The following FAT3 variants were observed in gnomAD, a reference collection of about 807,000 sequenced individuals.
FAT3 encodes protocadherin Fat 3.
In FAT3, 95 loss-of-function variants were observed where a neutral mutation model predicts 310.2. That is an observed-to-expected ratio of 0.31 (90% confidence interval 0.26 to 0.36). The LOEUF (loss-of-function observed/expected upper bound fraction) is 0.36. Among genes scored for constraint, FAT3 ranks in the 10% least tolerant of loss-of-function variants. The pLI is 1.00. For missense variants in FAT3, 5,408 were observed against 5,715.6 expected, an observed-to-expected ratio of 0.95 and a Z score of 1.74; for synonymous variants, 2,314 against 2,192.9, an observed-to-expected ratio of 1.06 and a Z score of -1.54.
chr11:92,340,594 G>A (rs189523446), intron 1 of FAT3, among the ~76,000 whole-genome samples: 3 of 152,312 alleles, frequency 2.0e-5, no homozygotes, highest in African/African-American at 7.2e-5. Context: ...CAAGCTGATT[G>A]TCCTTGGTAA....
chr11:92,705,844 T>G (rs1944320736), intron 4 of FAT3, among the ~76,000 whole-genome samples: 1 of 98,146 alleles, frequency 1.0e-5, no homozygotes. Context: ...GGTGGTGGTG[T>G]GATGGTGGTA....
chr11:92,749,407 T>C (rs1591680743), intron 4 of FAT3, among the ~76,000 whole-genome samples: 1 of 152,152 alleles, frequency 6.6e-6, no homozygotes, highest in African/African-American at 2.4e-5. Context: ...CTTAGAAAGA[T>C]TGAGGTTATT....
At chr11:92,272,884 C>A (rs965500043) in intron 1 of FAT3, among the ~76,000 whole-genome samples, 1 of 152,102 alleles carries the variant, frequency 6.6e-6, no homozygotes, top group Admixed American at 6.6e-5. Context: ...ACCTGCTGTC[C>A]AGCTGACAGA....
At chr11:92,691,688 G>A (rs1943802997) in intron 3 of FAT3, among the ~76,000 whole-genome samples, 1 of 152,126 alleles carries the variant, frequency 6.6e-6, no homozygotes, top group Admixed American at 6.6e-5. Context: ...GCCAAGAGTT[G>A]CTGGGTTTGA....
intron 1 of FAT3, among the ~76,000 whole-genome samples, chr11:92,292,278 A>G (rs1946713310): frequency 6.6e-6 from 1 of 152,090 alleles, no homozygotes; most frequent in African/African-American, 2.4e-5. Flanking sequence ...TACATTAAGT[A>G]TGGGCTTATC....
At chr11:92,583,769 C>T (rs1938970005) in intron 3 of FAT3, among the ~76,000 whole-genome samples, 1 of 151,952 alleles carries the variant, frequency 6.6e-6, no homozygotes, top group South Asian at 2.1e-4. Context: ...TTGACTTCCT[C>T]CCAGACAACA....
At chr11:92,617,341 G>A (rs1940860252) in intron 3 of FAT3, among the ~76,000 whole-genome samples, 1 of 152,078 alleles carries the variant, frequency 6.6e-6, no homozygotes, top group Non-Finnish European at 1.5e-5. Flanking sequence ...GTCATTTAAG[G>A]TCTTCTGTAC....
intron 1 of FAT3, among the ~76,000 whole-genome samples, chr11:92,284,566 C>G (rs935261929): frequency 1.3e-5 from 2 of 152,128 alleles, no homozygotes; most frequent in African/African-American, 4.8e-5. Flanking sequence ...AGTCAGGGCT[C>G]TTGAAATGGG....
At chr11:92,697,756 AGCCACGGGGGC>A (rs1300746973) in intron 4 of FAT3, among the ~76,000 whole-genome samples, 4 of 152,144 alleles carry the variant, frequency 2.6e-5, no homozygotes, top group Non-Finnish European at 5.9e-5. Context: ...GAGCCCTGTG[AGCCACGGGGGC>A]CACAGACGTA....
rs190752737 is a variant in FAT3 at position 92,823,741 on chromosome 11, C to T, written c.9482-7881C>T. On this transcript the variant is annotated intron_variant, in intron 13 of 27. Coordinates refer to ENST00000525166, the MANE Select transcript of FAT3 (RefSeq NM_001367949.2). ...AAACCGAGGGGCTACTGACTGACCC[C>T]AGGAGCTGGTATTCTGCCCATGGGA... Among the ~76,000 whole-genome samples, 13 of 152,240 alleles carry T rather than the reference C, an allele frequency of 8.5e-5. No individual in the cohort carries two copies. The East Asian group carries it at 2.3e-3, about 27-fold the overall frequency.
chr11:92,315,283 C>T (rs1456069245), intron 1 of FAT3, among the ~76,000 whole-genome samples: 1 of 149,836 alleles, frequency 6.7e-6, no homozygotes, highest in Non-Finnish European at 1.5e-5. Flanking sequence ...TTCATACTCA[C>T]TCTATGGTTA....
intron 3 of FAT3, among the ~76,000 whole-genome samples, chr11:92,633,281 A>G (rs190882890): frequency 6.6e-6 from 1 of 152,266 alleles, no homozygotes; most frequent in East Asian, 1.9e-4. Flanking sequence ...GATATAAGGG[A>G]GTCCTAGTTT....
At chr11:92,592,180 G>A (rs1939459188) in intron 3 of FAT3, among the ~76,000 whole-genome samples, 1 of 151,912 alleles carries the variant, frequency 6.6e-6, no homozygotes, top group South Asian at 2.1e-4. Context: ...CAAAAATGAG[G>A]GATAGTATTA....
intron 3 of FAT3, among the ~76,000 whole-genome samples, chr11:92,531,997 C>G (rs562389258): frequency 6.6e-6 from 1 of 152,216 alleles, no homozygotes; most frequent in South Asian, 2.1e-4. Context: ...ATGGGAGGAA[C>G]TGCCCCCATT....
At chr11:92,887,285 G>T (rs954717939) in intron 25 of FAT3, among the ~76,000 whole-genome samples, 172 bp downstream of exon 25, 1 of 152,150 alleles carries the variant, frequency 6.6e-6, no homozygotes, top group African/African-American at 2.4e-5. Flanking sequence ...ATTGCCAAAG[G>T]AGCCCCCATT....
chr11:92,567,055 A>G (rs951216637), intron 3 of FAT3, among the ~76,000 whole-genome samples: 2 of 152,220 alleles, frequency 1.3e-5, no homozygotes, highest in African/African-American at 4.8e-5. Context: ...ATTAAACTAA[A>G]GAGCTTCTGC....
intron 3 of FAT3, among the ~76,000 whole-genome samples, chr11:92,555,589 C>G (rs1003582726): frequency 1.3e-5 from 2 of 152,174 alleles, no homozygotes; most frequent in African/African-American, 4.8e-5. Context: ...ACACCCAGAG[C>G]CAAGCTCAGC....
At chr11:92,727,795 C>G (rs549071808) in intron 4 of FAT3, among the ~76,000 whole-genome samples, 1 of 152,238 alleles carries the variant, frequency 6.6e-6, no homozygotes, top group African/African-American at 2.4e-5. Flanking sequence ...ATGTGCTTCT[C>G]TCTCACGGCT....
chr11:92,859,223 T>C lies in FAT3; in HGVS notation c.11559T>C (p.Asn3853=), dbSNP rs769479834. The C allele has an allele frequency of 1.2e-6, 2 of 1,613,856 alleles. No individual in the cohort carries two copies. Among genetic ancestry groups the C allele is most frequent in the Non-Finnish European group, 1.7e-6 (2 of 1,179,852 alleles). The change falls in exon 21 of 28, where the codon AAT becomes AAC. Residue 3853 remains asparagine (N), a synonymous_variant. Coordinates refer to ENST00000525166, the MANE Select transcript of FAT3 (RefSeq NM_001367949.2). The stretch of plus-strand genomic sequence containing the variant: ...ACATCAAATATCGGCTTTCTGAAAA[T>C]AGCAAAGAAGAGGATTTCAAACTAG... ...NSYIKYRLSE[N]SKEEDFKLAL...
Sources: allele counts gnomAD v4.1 joint callset (sites outside exome capture counted in the v4.1 genomes callset), GRCh38; gene constraint gnomAD v4.1.1; transcripts MANE v1.5; gene names NCBI Gene and HGNC (gene_info 2026-07-23, HGNC 2026-07-21).